The following CPAMD8 variants were observed in gnomAD, a reference collection of about 807,000 sequenced individuals.
The protein encoded by CPAMD8 is C3 and PZP-like alpha-2-macroglobulin domain-containing protein 8.
Under a neutral mutation model 224.7 loss-of-function variants are expected in CPAMD8, and 146 were observed. The observed-to-expected ratio is 0.65, with a 90% CI of 0.57 to 0.75. The LOEUF (loss-of-function observed/expected upper bound fraction) is 0.75, where lower values mean the gene tolerates loss of function less well. Ranked by LOEUF, CPAMD8 falls within the 30% of genes least tolerant of loss-of-function variation. CPAMD8 has a pLI of 0.00. For synonymous variants in CPAMD8, 966 were observed against 1,044.6 expected (o/e 0.92, Z 1.45); for missense variants, 2,301 against 2,537.5 (o/e 0.91, Z 2.00).
At chr19:16,906,399 T>TTCCTTCCTTCCTTCC (rs1568459809) in intron 30 of CPAMD8, among the ~76,000 whole-genome samples, 41 of 88,702 alleles carry the variant, frequency 4.6e-4, no homozygotes, top group Non-Finnish European at 7.3e-4. Flanking sequence ...TCTTTCTTTC[T>TTCCTTCCTTCCTTCC]TTCTTTCTTT....
At chr19:16,904,918 C>T (rs1178460390) in intron 30 of CPAMD8, among the ~76,000 whole-genome samples, 2 of 152,224 alleles carry the variant, frequency 1.3e-5, no homozygotes, top group African/African-American at 2.4e-5. Context: ...CTACTTAGTG[C>T]CCAAGCAGCC....
At chr19:16,997,914 C>A (rs1290688331) in intron 10 of CPAMD8, among the ~76,000 whole-genome samples, 1 of 152,196 alleles carries the variant, frequency 6.6e-6, no homozygotes, top group Non-Finnish European at 1.5e-5. Flanking sequence ...GCTGAACCTG[C>A]TCAGCCTCAC....
At chr19:16,962,774 G>C (rs1353565214) in intron 18 of CPAMD8, among the ~76,000 whole-genome samples, 1 of 151,866 alleles carries the variant, frequency 6.6e-6, no homozygotes, top group East Asian at 1.9e-4. Context: ...AGGAAAAAAT[G>C]TTAAGAGCAG....
At chr19:16,974,109 T>C (rs1423604101) in intron 17 of CPAMD8, among the ~76,000 whole-genome samples, 1 of 151,346 alleles carries the variant, frequency 6.6e-6, no homozygotes, top group Non-Finnish European at 1.5e-5. Flanking sequence ...ATTACAGGCA[T>C]GAGCCACCGC....
chr19:16,896,131 T>G (rs776918957), intron 41 of CPAMD8, 45 bp downstream of exon 41: 1 of 1,605,798 alleles, frequency 6.2e-7, no homozygotes, highest in African/African-American at 1.3e-5. Context: ...GGTGGGGAGA[T>G]ATTGAGCCTA....
At chr19:16,902,986 T>A in intron 34 of CPAMD8, 123 bp from the exon 35 acceptor site, 1 of 634,244 alleles carries the variant, frequency 1.6e-6, no homozygotes, top group Non-Finnish European at 2.8e-6. Context: ...ATGACATCCA[T>A]GACAGTTTTA....
chr19:16,927,732 A>G (rs2053413326), intron 25 of CPAMD8, among the ~76,000 whole-genome samples: 1 of 152,184 alleles, frequency 6.6e-6, no homozygotes, highest in Non-Finnish European at 1.5e-5. Context: ...TGACCTCTGC[A>G]TAAGGTTTAG....
chr19:17,018,065 T>G (rs1291945009), intron 3 of CPAMD8, among the ~76,000 whole-genome samples: 2 of 150,908 alleles, frequency 1.3e-5, no homozygotes, highest in African/African-American at 4.9e-5. Flanking sequence ...GGAAGACCAC[T>G]GTCCTGCAGC....
At chr19:16,947,957 G>C (rs945218601) in intron 20 of CPAMD8, among the ~76,000 whole-genome samples, 3 of 152,206 alleles carry the variant, frequency 2.0e-5, no homozygotes, top group Non-Finnish European at 4.4e-5. Context: ...AGTATGGCAT[G>C]TGTATACATG....
chr19:16,980,584 GC>G lies in CPAMD8; in HGVS notation c.1497del (p.Gln499HisfsTer24), dbSNP rs1462270966. On this transcript the variant is annotated frameshift_variant, in exon 14 of 42. Coordinates refer to ENST00000443236, the MANE Select transcript of CPAMD8 (RefSeq NM_015692.5). LOFTEE classifies it high-confidence loss of function. ...AARGNIVLSG[Q>X]QPAHTTQQRS... ...CGCTGCTGGGTGGTGTGGGCAGGCT[GC>G]TGGCCCGATAGCACAATATTGCCCC... 6.2e-7 allele frequency: 1 copy of G among 1,613,612 alleles called. No individual in the cohort carries two copies. The highest frequency in any genetic ancestry group is 2.2e-5 in the East Asian group (1 of 44,846).
At chr19:16,929,308 C>T in intron 23 of CPAMD8, 68 bp from the exon 24 acceptor site, 1 of 1,337,314 alleles carries the variant, frequency 7.5e-7, no homozygotes, top group Non-Finnish European at 1.0e-6. Flanking sequence ...CCTGATGGTA[C>T]CTGGAGGTGA....
chr19:16,958,386 C>T (rs1309381280), intron 18 of CPAMD8, among the ~76,000 whole-genome samples: 1 of 152,110 alleles, frequency 6.6e-6, no homozygotes, highest in Admixed American at 6.6e-5. Context: ...GTTTTCTGTT[C>T]CTGCATTAGT....
In CPAMD8 at chr19:16,904,307, C is replaced by A; in HGVS notation, c.4170G>T (p.Leu1390=). The A allele has an allele frequency of 6.2e-7, 1 of 1,613,794 alleles. No homozygotes were observed. The highest frequency in any genetic ancestry group is 8.5e-7 in the Non-Finnish European group (1 of 1,180,036). ...CAGGCAGGGCGGCAGCCACGTCACC[C>A]AGCAGAGTGTAGGTCAGAAGGGCGT... The part of the protein sequence containing the change: ...TAYALLTYTL[L]GDVAAALPVV... Residue 1390 remains leucine (L), a synonymous_variant, in exon 32 of 42, where the codon CTG becomes CTT. Transcript: ENST00000443236.
intron 27 of CPAMD8, among the ~76,000 whole-genome samples, chr19:16,916,057 C>G (rs1434430016): frequency 6.6e-6 from 1 of 151,792 alleles, no homozygotes; most frequent in Non-Finnish European, 1.5e-5. Flanking sequence ...CTCTGTCACC[C>G]AGGCTGGAGT....
chr19:16,902,553 C>G (rs2052302150), intron 35 of CPAMD8, 96 bp downstream of exon 35: 2 of 716,260 alleles, frequency 2.8e-6, no homozygotes, highest in East Asian at 5.6e-5. Flanking sequence ...CCACTGAGTG[C>G]CTGGAGCCGG....
At chr19:17,008,687 A>G (rs1406979210) in intron 6 of CPAMD8, 128 bp from the exon 7 acceptor site, 8 of 1,054,774 alleles carry the variant, frequency 7.6e-6, no homozygotes, top group Non-Finnish European at 1.2e-5. Context: ...CCCAAGATTA[A>G]TCATTAACCC....
intron 5 of CPAMD8, among the ~76,000 whole-genome samples, chr19:17,010,622 G>A (rs1400018565): frequency 6.6e-6 from 1 of 151,904 alleles, no homozygotes; most frequent in Non-Finnish European, 1.5e-5. Context: ...AAGTGTTCAG[G>A]GCCAGAGAGG....
At chr19:16,920,576 C>A (rs1404352253) in intron 27 of CPAMD8, among the ~76,000 whole-genome samples, 6 of 151,974 alleles carry the variant, frequency 3.9e-5, no homozygotes, top group Admixed American at 3.9e-4. Flanking sequence ...AGTGTCTAGG[C>A]CGGGCACGGT....
rs1201311533 is a variant in CPAMD8, at chr19:16,906,950, A to G, written c.4027+2T>C. ...CCTCTGGGGAGGGCCAGGGACACCTACCTCGCATGATGGCCAGGCTACGGA... is the reference window on the plus strand; with the variant it reads ...CCTCTGGGGAGGGCCAGGGACACCTGCCTCGCATGATGGCCAGGCTACGGA... On this transcript the variant is annotated splice_donor_variant, in intron 30 of 41. Transcript: ENST00000443236. LOFTEE classifies it high-confidence loss of function. 3 of 1,580,350 alleles carry G rather than the reference A, an allele frequency of 1.9e-6. No homozygotes were observed. Among genetic ancestry groups the G allele is most frequent in the Non-Finnish European group, 2.6e-6 (3 of 1,163,952 alleles).
Sources: allele counts gnomAD v4.1 joint callset (sites outside exome capture counted in the v4.1 genomes callset), GRCh38; gene constraint gnomAD v4.1.1; transcripts MANE v1.5; gene names NCBI Gene and HGNC (gene_info 2026-07-23, HGNC 2026-07-21).